The following BLTP1 variants were observed in gnomAD, a reference collection of about 807,000 sequenced individuals.
BLTP1 encodes the protein bridge-like lipid transfer protein family member 1, also known as fragile site-associated protein.
the BLTP1 span, chr4:122,221,189 A>G: frequency 1.2e-5 from 3 of 259,886 alleles, no homozygotes; most frequent in Admixed American, 6.5e-5. Flanking sequence ...ATGATCATTT[A>G]TTATGATTAT....
At chr4:122,263,237 A>G in the BLTP1 span, 1 of 985,192 alleles carries the variant, frequency 1.0e-6, no homozygotes, top group Non-Finnish European at 1.2e-6. Context: ...TGTCTAGACC[A>G]GCAACATAGA....
At chr4:122,314,772 T>G in the BLTP1 span, among the ~76,000 whole-genome samples, 3 of 152,144 alleles carry the variant, frequency 2.0e-5, no homozygotes, top group Non-Finnish European at 4.4e-5. Flanking sequence ...CGTCAGGACT[T>G]TTAAGTGACA....
At chr4:122,339,696 T>C in the BLTP1 span, among the ~76,000 whole-genome samples, 15 of 152,136 alleles carry the variant, frequency 9.9e-5, no homozygotes, top group African/African-American at 3.6e-4. Context: ...AACTACTATA[T>C]AATAATCCAC....
chr4:122,162,588 G>A, the BLTP1 span: 1 of 985,212 alleles, frequency 1.0e-6, no homozygotes, highest in Non-Finnish European at 1.2e-6. Context: ...TCAAGCTGTG[G>A]TGACGAAAGT....
At chr4:122,190,143 C>T in the BLTP1 span, 50 of 1,594,692 alleles carry the variant, frequency 3.1e-5, no homozygotes, top group Non-Finnish European at 4.2e-5. Flanking sequence ...GTCACACAGG[C>T]TGGAATGCAG....
the BLTP1 span, among the ~76,000 whole-genome samples, chr4:122,194,915 G>GA: frequency 0.021 from 3,080 of 145,156 alleles, 97 homozygotes; most frequent in African/African-American, 0.072. Context: ...ATTTAAAAAA[G>GA]AAAAAAAAAA....
the BLTP1 span, chr4:122,359,695 A>G: frequency 5.6e-6 from 9 of 1,611,400 alleles, no homozygotes; most frequent in Non-Finnish European, 6.8e-6. Flanking sequence ...TTTATGTGCA[A>G]TACATGGCAT....
the BLTP1 span, chr4:122,187,991 C>A: frequency 6.3e-7 from 1 of 1,597,756 alleles, no homozygotes; most frequent in South Asian, 1.1e-5. Flanking sequence ...ACCTTCAAGT[C>A]ATCTTGACCA....
chr4:122,312,768 T>G, the BLTP1 span: 1 of 733,444 alleles, frequency 1.4e-6, no homozygotes, highest in Non-Finnish European at 1.7e-6. Flanking sequence ...AAGACAGAAA[T>G]GTAATACCAA....
the BLTP1 span, chr4:122,339,042 T>C: frequency 3.3e-6 from 1 of 301,464 alleles, no homozygotes; most frequent in Non-Finnish European, 4.9e-6. Context: ...TTCTTAACTT[T>C]CCTGTAGATG....
At chr4:122,303,775 TA>T in the BLTP1 span, among the ~76,000 whole-genome samples, 1 of 152,196 alleles carries the variant, frequency 6.6e-6, no homozygotes, top group African/African-American at 2.4e-5. Context: ...AATCTTATGA[TA>T]AAACTTGAAT....
the BLTP1 span, chr4:122,325,641 G>A: frequency 1.0e-5 from 11 of 1,092,346 alleles, no homozygotes; most frequent in African/African-American, 1.7e-4. Context: ...TTACACAAAT[G>A]TAAACGTGGA....
chr4:122,223,708 A>G, the BLTP1 span, among the ~76,000 whole-genome samples: 1 of 152,178 alleles, frequency 6.6e-6, no homozygotes, highest in Non-Finnish European at 1.5e-5. Flanking sequence ...AGATGTAAAA[A>G]GTTAATGCCT....
the BLTP1 span, chr4:122,249,656 G>A: frequency 6.2e-7 from 1 of 1,613,668 alleles, no homozygotes; most frequent in Non-Finnish European, 8.5e-7. Context: ...ATGTTTGAAT[G>A]TGGACTTGAA....
the BLTP1 span, among the ~76,000 whole-genome samples, chr4:122,216,577 A>G: frequency 2.5e-4 from 38 of 152,142 alleles, no homozygotes; most frequent in African/African-American, 9.2e-4. Flanking sequence ...AGAAATGTCT[A>G]TTCATGTACT....
the BLTP1 span, chr4:122,189,122 G>A: frequency 2.2e-6 from 2 of 916,396 alleles, no homozygotes; most frequent in African/African-American, 3.6e-5. Context: ...ATGAAAAAGT[G>A]TCTTGCTATT....
At chr4:122,289,284 C>G in the BLTP1 span, 1 of 939,870 alleles carries the variant, frequency 1.1e-6, no homozygotes, top group Non-Finnish European at 1.5e-6. Context: ...AAGTATTGAT[C>G]CAGCATTTGG....
At chr4:122,249,271 C>T in the BLTP1 span, 37 of 554,054 alleles carry the variant, frequency 6.7e-5, no homozygotes, top group Non-Finnish European at 8.0e-5. Flanking sequence ...ATTCATACTA[C>T]CTTTGAGCAA....
chr4:122,361,214 A>G, the BLTP1 span, among the ~76,000 whole-genome samples: 993 of 152,340 alleles, frequency 6.5e-3, 9 homozygotes, highest in African/African-American at 0.023. Context: ...GGAGAGATTA[A>G]TATGGATAAA....
Sources: allele counts gnomAD v4.1 joint callset (sites outside exome capture counted in the v4.1 genomes callset), GRCh38; gene constraint gnomAD v4.1.1; transcripts MANE v1.5; gene names NCBI Gene and HGNC (gene_info 2026-07-23, HGNC 2026-07-21).